Variants in AFAP1 observed in about 807,000 individuals in gnomAD.
The protein encoded by AFAP1 is actin filament-associated protein 1.
AFAP1 carries 75 observed loss-of-function variants against 93.9 expected under a neutral mutation model. The ratio of observed to expected loss-of-function variants is 0.80; its 90% CI spans 0.66 to 0.97. AFAP1 has a LOEUF of 0.97. AFAP1 is among the 50% of genes least tolerant of loss of function. AFAP1 has a pLI of 0.00. For missense variants in AFAP1, 1,201 were observed against 1,050.8 expected, an observed-to-expected ratio of 1.14 and a Z score of -1.98; for synonymous variants, 517 against 430.7, an observed-to-expected ratio of 1.20 and a Z score of -2.48.
At chr4:7,914,920 G>A (rs959234066) in intron 1 of AFAP1, among the ~76,000 whole-genome samples, 2 of 152,144 alleles carry the variant, frequency 1.3e-5, no homozygotes, top group Middle Eastern at 3.4e-3. Context: ...GCAAATTTTT[G>A]TATTTTTTAG....
chr4:7,768,805 G>T (rs779875998), intron 17 of AFAP1, 39 bp downstream of exon 17: 2 of 1,523,900 alleles, frequency 1.3e-6, no homozygotes, highest in South Asian at 2.6e-5. Flanking sequence ...TAAAGTGCCT[G>T]CCCAGGACAC....
At chr4:7,780,067 A>G (rs899094551) in intron 13 of AFAP1, among the ~76,000 whole-genome samples, 3 of 152,222 alleles carry the variant, frequency 2.0e-5, no homozygotes. Flanking sequence ...GTTTTACCTA[A>G]GGCAACTCTA....
chr4:7,862,452 G>A (rs939945465), intron 3 of AFAP1: 2 of 151,954 alleles, frequency 1.3e-5, no homozygotes, highest in East Asian at 3.9e-4. Context: ...GTGTTTAAGG[G>A]GGACAGAGTT....
intron 10 of AFAP1, among the ~76,000 whole-genome samples, chr4:7,797,998 C>G (rs1306493938): frequency 6.6e-6 from 1 of 152,208 alleles, no homozygotes; most frequent in Non-Finnish European, 1.5e-5. Flanking sequence ...TCGTGCTATC[C>G]TTGCAACTTT....
At chr4:7,878,897 A>C (rs915690729) in intron 1 of AFAP1, among the ~76,000 whole-genome samples, 1 of 152,198 alleles carries the variant, frequency 6.6e-6, no homozygotes, top group Non-Finnish European at 1.5e-5. Flanking sequence ...CGGTGGAAGA[A>C]GCTCCTAATG....
At chr4:7,792,564 C>T (rs1428802726) in intron 11 of AFAP1, among the ~76,000 whole-genome samples, 1 of 152,106 alleles carries the variant, frequency 6.6e-6, no homozygotes, top group Non-Finnish European at 1.5e-5. Context: ...TGCCTATGTG[C>T]AAATAACTAG....
intron 3 of AFAP1, among the ~76,000 whole-genome samples, chr4:7,862,826 A>T (rs1195535024): frequency 6.6e-6 from 1 of 152,146 alleles, no homozygotes; most frequent in East Asian, 1.9e-4. Flanking sequence ...AAAGGAGTCT[A>T]GCTTGCCCTT....
chr4:7,769,878 G>A (rs1715179079), intron 16 of AFAP1, among the ~76,000 whole-genome samples: 1 of 152,254 alleles, frequency 6.6e-6, no homozygotes, highest in Non-Finnish European at 1.5e-5. Flanking sequence ...CCTATGCAGT[G>A]GCAGCCCCTG....
At chr4:7,803,147 A>G (rs1316768734) in intron 9 of AFAP1, among the ~76,000 whole-genome samples, 3 of 152,232 alleles carry the variant, frequency 2.0e-5, no homozygotes, top group African/African-American at 4.8e-5. Flanking sequence ...TGTTTTGAGC[A>G]TGAGTTGACA....
rs934453777 is a variant in AFAP1, at chr4:7,763,326, C to T, written c.*439G>A. ...GTGGGCGTGCAAGGCGAGCCCAGTG[C>T]CCATGGCCAGCCACACTCATGCCCG... On this transcript the variant is annotated 3_prime_UTR_variant, in exon 18 of 18. Coordinates refer to ENST00000420658, the MANE Select transcript of AFAP1 (RefSeq NM_001134647.2). The T allele has an allele frequency of 5.0e-5, 9 of 181,686 alleles. No individual in the cohort carries two copies. The Admixed American group carries it at 5.2e-4, about 11-fold the overall frequency. The allele number at this position is 181,686 out of a possible 1,614,324, so 11.3% of individuals were successfully genotyped here.
chr4:7,803,099 T>C (rs192203760), intron 9 of AFAP1, among the ~76,000 whole-genome samples: 50 of 152,330 alleles, frequency 3.3e-4, no homozygotes, highest in African/African-American at 1.1e-3. Flanking sequence ...ATTTTTAGAC[T>C]TCCATACAAT....
intron 17 of AFAP1, among the ~76,000 whole-genome samples, chr4:7,766,283 G>A (rs2148942159): frequency 6.6e-6 from 1 of 152,310 alleles, no homozygotes; most frequent in Non-Finnish European, 1.5e-5. Context: ...TGTAAGCAGA[G>A]AAGGTGCCCA....
chr4:7,847,818 A>G (rs1468644950), intron 4 of AFAP1, among the ~76,000 whole-genome samples: 1 of 149,614 alleles, frequency 6.7e-6, no homozygotes. Flanking sequence ...ATTAGATACC[A>G]TCAGGCCCGA....
chr4:7,831,158 A>G (rs1711561128), intron 6 of AFAP1, among the ~76,000 whole-genome samples: 1 of 152,158 alleles, frequency 6.6e-6, no homozygotes, highest in African/African-American at 2.4e-5. Flanking sequence ...GGAAGAAACT[A>G]CACTAGCCCA....
chr4:7,819,126 C>G lies in AFAP1; in HGVS notation c.772G>C (p.Glu258Gln). 6.2e-7 allele frequency: 1 copy of G among 1,613,878 alleles called. No individual in the cohort carries two copies. Among genetic ancestry groups the G allele is most frequent in the South Asian group, 1.1e-5 (1 of 91,016 alleles). The change falls in exon 7 of 18, where the codon GAG (glutamate) becomes CAG (glutamine). Residue 258 changes from glutamate (E) to glutamine (Q), a missense_variant. Coordinates refer to ENST00000420658, the MANE Select transcript of AFAP1 (RefSeq NM_001134647.2). ...YSGCSGPVDSECPPPPSSPVH... is the reference protein window; with the variant it reads ...YSGCSGPVDSQCPPPPSSPVH... ...GGGGAGCTTGGTGGAGGAGGACACT[C>G]TGAATCCACGGGGCCACTACAACCA...
chr4:7,765,446 T>G (rs143049474), intron 17 of AFAP1, among the ~76,000 whole-genome samples: 1 of 152,308 alleles, frequency 6.6e-6, no homozygotes, highest in South Asian at 2.1e-4. Flanking sequence ...GTCACAGCAA[T>G]AGATGTACCT....
At chr4:7,792,263 T>G (rs1717928658) in intron 11 of AFAP1, among the ~76,000 whole-genome samples, 1 of 151,898 alleles carries the variant, frequency 6.6e-6, no homozygotes, top group Non-Finnish European at 1.5e-5. Context: ...ATCCAGTCGT[T>G]TATCTTGCAC....
chr4:7,937,777 G>A (rs1721476696), intron 1 of AFAP1, among the ~76,000 whole-genome samples: 2 of 152,170 alleles, frequency 1.3e-5, no homozygotes, highest in African/African-American at 2.4e-5. Flanking sequence ...GTGAGCCACC[G>A]CGCCCGGCCG....
At position 7,793,686 on chromosome 4, in the gene AFAP1, G is replaced by A. The variant is rs759779723; in HGVS notation, c.1407C>T (p.Thr469=). 3.9e-6 allele frequency: 6 copies of A among 1,544,168 alleles called. No homozygotes were observed. The East Asian group carries it at 9.1e-5, about 24-fold the overall frequency. The part of the protein sequence containing the change: ...SASVIQTAKQ[T]FCFMNRRVIS... ...CACATGGCAGTGGGTCTTACCAGAA[G>A]GTCTGTTTGGCTGTCTGAATGACAC... is the stretch of plus-strand genomic sequence containing the variant. The change falls in exon 11 of 18, where the codon ACC becomes ACT. Residue 469 remains threonine (T), a synonymous_variant. Coordinates refer to ENST00000420658, the MANE Select transcript of AFAP1 (RefSeq NM_001134647.2).
Sources: allele counts gnomAD v4.1 joint callset (sites outside exome capture counted in the v4.1 genomes callset), GRCh38; gene constraint gnomAD v4.1.1; transcripts MANE v1.5; gene names NCBI Gene and HGNC (gene_info 2026-07-23, HGNC 2026-07-21).